The following APPL1 variants were observed in gnomAD, a reference collection of about 807,000 sequenced individuals.
The protein encoded by APPL1 is DCC-interacting protein 13-alpha.
A neutral mutation model predicts 106.8 loss-of-function variants in APPL1; 42 were observed. That is an observed-to-expected ratio of 0.39 (90% CI 0.31 to 0.51). The LOEUF (loss-of-function observed/expected upper bound fraction) is 0.51, where lower values mean the gene tolerates loss of function less well. APPL1 is among the 20% of genes least tolerant of loss of function. APPL1 has a pLI of 0.75. For missense variants in APPL1, 769 were observed against 858.2 expected (o/e 0.90, Z 1.30); for synonymous variants, 263 against 281.8 (o/e 0.93, Z 0.67).
intron 7 of APPL1, among the ~76,000 whole-genome samples, chr3:57,244,791 G>A (rs1176834718): frequency 2.0e-5 from 3 of 152,166 alleles, no homozygotes; most frequent in African/African-American, 7.2e-5. Context: ...AAAATGTGAA[G>A]AGGACAAGAC....
Position 57,269,782 on chromosome 3 carries a change from G to A in APPL1, c.*95G>A. ...AACTATGTTGAAATATCAAGGAGGA[G>A]ATTAAGCTTTATATTTGCTTATTTG... On this transcript the variant is annotated 3_prime_UTR_variant, in exon 22 of 22. Coordinates refer to ENST00000288266, the MANE Select transcript of APPL1 (RefSeq NM_012096.3). 1 of 1,354,938 alleles carries A rather than the reference G, an allele frequency of 7.4e-7. No homozygotes were observed. The highest frequency in any genetic ancestry group is 1.0e-6 in the Non-Finnish European group (1 of 980,848). 83.9% of individuals were successfully genotyped at this position (1,354,938 alleles called of 1,614,324 possible).
At chr3:57,251,524 C>CAAA (rs75189556) in intron 11 of APPL1, among the ~76,000 whole-genome samples, 1 of 70,924 alleles carries the variant, frequency 1.4e-5, no homozygotes, top group African/African-American at 5.1e-5. Context: ...GACTTTGTCT[C>CAAA]AAAAAAAAAA....
chr3:57,234,227 A>G (rs1429798942), intron 1 of APPL1, among the ~76,000 whole-genome samples: 1 of 151,612 alleles, frequency 6.6e-6, no homozygotes, highest in Non-Finnish European at 1.5e-5. Context: ...TTGGGATGTA[A>G]TGTGAGTATG....
intron 7 of APPL1, among the ~76,000 whole-genome samples, chr3:57,244,908 A>G (rs904287234): frequency 2.0e-5 from 3 of 152,146 alleles, no homozygotes; most frequent in African/African-American, 7.2e-5. Context: ...TTTGGGAGAT[A>G]TTTTTTTAAG....
At chr3:57,264,605 T>A (rs921024996) in intron 19 of APPL1, among the ~76,000 whole-genome samples, 1 of 150,974 alleles carries the variant, frequency 6.6e-6, no homozygotes, top group Non-Finnish European at 1.5e-5. Flanking sequence ...TTTTAAAAAA[T>A]ATTTTTGTAT....
intron 8 of APPL1, 68 bp from the exon 9 acceptor site, chr3:57,247,327 T>C: frequency 2.3e-6 from 2 of 852,238 alleles, no homozygotes; most frequent in Non-Finnish European, 3.8e-6. Flanking sequence ...ATTGTTTATA[T>C]GATTTACTTT....
Position 57,249,444 on chromosome 3 carries a change from T to C in APPL1, c.948T>C (p.Asp316=). 4 of 1,614,178 alleles carry C rather than the reference T, an allele frequency of 2.5e-6. No individual in the cohort carries two copies. Among genetic ancestry groups the C allele is most frequent in the Non-Finnish European group, 2.5e-6 (3 of 1,180,030 alleles). ...GGNLMSQARG[D]VAGGLAMDID... ...ATTTAATGAGTCAGGCCCGTGGGGA[T>C]GTAGCAGGAGGCCTGGCCATGGACA... Residue 316 remains aspartate, a synonymous_variant, in exon 11 of 22, where the codon GAT becomes GAC. Transcript: ENST00000288266.
chr3:57,251,524 C>CA (rs75189556), intron 11 of APPL1, among the ~76,000 whole-genome samples: 2,004 of 70,574 alleles, frequency 0.028, 34 homozygotes, highest in African/African-American at 0.083. Flanking sequence ...GACTTTGTCT[C>CA]AAAAAAAAAA....
In APPL1 at chr3:57,227,933, C is replaced by A; in HGVS notation, c.50C>A (p.Pro17Gln). 1 of 1,448,866 alleles carries A rather than the reference C, an allele frequency of 6.9e-7. No homozygotes were observed. The allele number at this position is 1,448,866 out of a possible 1,614,324, so 89.8% of individuals were successfully genotyped here. The change falls in exon 1 of 22, where the codon CCG (proline) becomes CAG (glutamine). Residue 17 changes from proline to glutamine, a missense_variant. Transcript: ENST00000288266. ...ATCGAGGAGACGCTGGAGGACAGCCCGCAGGTGAGGCGCGGGAGCTGGTGG... is the reference window on the plus strand; with the variant it reads ...ATCGAGGAGACGCTGGAGGACAGCCAGCAGGTGAGGCGCGGGAGCTGGTGG... ...LPIEETLEDSPQTRSLLGVFE... is the reference protein window; with the variant it reads ...LPIEETLEDSQQTRSLLGVFE...
chr3:57,237,564 A>T lies in APPL1; in HGVS notation c.213+13A>T, dbSNP rs1407698226. 1.3e-6 allele frequency: 2 copies of T among 1,547,346 alleles called. No individual in the cohort carries two copies. The highest frequency in any genetic ancestry group is 1.2e-5 in the South Asian group (1 of 83,688). On this transcript the variant is annotated intron_variant, in intron 3 of 21. Coordinates refer to ENST00000288266, the MANE Select transcript of APPL1 (RefSeq NM_012096.3). Reference sequence around the variant, plus strand: ...ATATGAAAAACAGGTATTGTATATCAAAGTTTTAAAAGCATAATTTTAAAA... The same window carrying T: ...ATATGAAAAACAGGTATTGTATATCTAAGTTTTAAAAGCATAATTTTAAAA...
At chr3:57,245,870 G>A (rs1002500208) in intron 7 of APPL1, among the ~76,000 whole-genome samples, 6 of 152,042 alleles carry the variant, frequency 3.9e-5, no homozygotes, top group African/African-American at 1.4e-4. Context: ...TAAATTATGT[G>A]GTTGGAAGTT....
At chr3:57,263,429 G>GT (rs769693941) in intron 19 of APPL1, among the ~76,000 whole-genome samples, 2 of 146,362 alleles carry the variant, frequency 1.4e-5, no homozygotes, top group Non-Finnish European at 3.0e-5. Context: ...TCAGCCTCTG[G>GT]TAACCACCCT....
chr3:57,232,830 G>A (rs556823229), intron 1 of APPL1, among the ~76,000 whole-genome samples: 312 of 152,032 alleles, frequency 2.1e-3, no homozygotes, highest in Admixed American at 2.7e-3. Context: ...ATGAAACCCC[G>A]TCTCTACTAA....
At chr3:57,233,692 A>G (rs2060701202) in intron 1 of APPL1, among the ~76,000 whole-genome samples, 1 of 152,172 alleles carries the variant, frequency 6.6e-6, no homozygotes. Flanking sequence ...TACTGGCATC[A>G]TGATTTTGTG....
chr3:57,236,194 AC>A (rs1410532934), intron 2 of APPL1, among the ~76,000 whole-genome samples: 1 of 151,786 alleles, frequency 6.6e-6, no homozygotes, highest in Admixed American at 6.6e-5. Flanking sequence ...ACAGGCATGC[AC>A]CAGCACGCCT....
chr3:57,236,915 T>C (rs2060719233), intron 2 of APPL1, among the ~76,000 whole-genome samples: 1 of 152,360 alleles, frequency 6.6e-6, no homozygotes, highest in South Asian at 2.1e-4. Flanking sequence ...ATTTTCATTA[T>C]GTACTTAAGA....
intron 1 of APPL1, among the ~76,000 whole-genome samples, chr3:57,231,354 A>G (rs1326569047): frequency 6.6e-6 from 1 of 150,448 alleles, no homozygotes; most frequent in East Asian, 1.9e-4. Flanking sequence ...AAAAAAAAAA[A>G]AAAAAGAAAA....
chr3:57,246,999 A>G (rs1286865671), intron 8 of APPL1, among the ~76,000 whole-genome samples: 4 of 152,014 alleles, frequency 2.6e-5, no homozygotes, highest in African/African-American at 9.7e-5. Context: ...TCAAAAAAAA[A>G]AAAAAAAATT....
chr3:57,248,738 C>G (rs1373001240), intron 10 of APPL1, among the ~76,000 whole-genome samples: 3 of 152,058 alleles, frequency 2.0e-5, no homozygotes, highest in African/African-American at 7.2e-5. Context: ...AGCATGGTGG[C>G]TTACACCTGT....
Sources: gnomAD v4.1 joint callset for allele counts (sites outside exome capture counted in the v4.1 genomes callset) on GRCh38, gnomAD v4.1.1 for gene constraint, MANE v1.5 for transcripts, NCBI Gene and HGNC (gene_info 2026-07-23, HGNC 2026-07-21) for gene names.